The following ZNF66 variants were observed in gnomAD, a reference collection of about 807,000 sequenced individuals.
The protein encoded by ZNF66 is zinc finger protein 66, also known as putative zinc finger protein 66.
In ZNF66, 32 loss-of-function variants were observed where a neutral mutation model predicts 35.2. The ratio of observed to expected loss-of-function variants is 0.91; its 90% CI spans 0.69 to 1.22. The LOEUF (loss-of-function observed/expected upper bound fraction) is 1.22. Among genes scored for constraint, ZNF66 ranks in the 50% most tolerant of loss-of-function variants. The pLI, the probability that ZNF66 is intolerant of heterozygous loss-of-function variation, is 0.00. For synonymous variants in ZNF66, 231 were observed against 181.3 expected, an observed-to-expected ratio of 1.27 and a Z score of -2.20; for missense variants, 666 against 543.1, an observed-to-expected ratio of 1.23 and a Z score of -2.25.
At chr19:20,795,372 CTT>C (rs71174747) in intron 3 of ZNF66, among the ~76,000 whole-genome samples, 6 of 143,162 alleles carry the variant, frequency 4.2e-5, no homozygotes, top group Admixed American at 7.0e-5. Context: ...TTTTCTTTTT[CTT>C]TTTTTTTTTT....
chr19:20,801,068 C>T (rs1350474969), intron 3 of ZNF66, among the ~76,000 whole-genome samples: 1 of 152,058 alleles, frequency 6.6e-6, no homozygotes, highest in African/African-American at 2.4e-5. Flanking sequence ...TAAATCAATT[C>T]ACTTTACCAT....
intron 1 of ZNF66, among the ~76,000 whole-genome samples, chr19:20,779,491 G>T (rs1234854819): frequency 6.6e-6 from 1 of 152,158 alleles, no homozygotes; most frequent in Non-Finnish European, 1.5e-5. Flanking sequence ...AAGTTCAGGA[G>T]CCTGAGGGAG....
chr19:20,798,773 T>C (rs1971418988), intron 3 of ZNF66, among the ~76,000 whole-genome samples: 1 of 152,218 alleles, frequency 6.6e-6, no homozygotes, highest in Admixed American at 6.5e-5. Context: ...AGTGGAATCA[T>C]ACAGTATCCA....
At chr19:20,800,172 A>G (rs542723872) in intron 3 of ZNF66, among the ~76,000 whole-genome samples, 2 of 152,196 alleles carry the variant, frequency 1.3e-5, no homozygotes, top group South Asian at 4.1e-4. Flanking sequence ...ATGCACTACC[A>G]TGTCTGGCTA....
At position 20,809,821 on chromosome 19, in the gene ZNF66, C is replaced by T. The variant is rs929900949; in HGVS notation, c.*2499C>T. On this transcript the variant is annotated 3_prime_UTR_variant, in exon 4 of 4. Transcript: ENST00000344519. ...CATCATAATGACAGCATCAAATTCT[C>T]ACATAACAATATTAGCTTTAAATGT... 1.3e-5 allele frequency among the ~76,000 whole-genome samples: 2 copies of T among 151,880 alleles called. No homozygotes were observed. The highest frequency in any genetic ancestry group is 4.8e-5 in the African/African-American group (2 of 41,360).
chr19:20,777,188 C>T (rs1242078109), intron 1 of ZNF66, among the ~76,000 whole-genome samples: 1 of 149,320 alleles, frequency 6.7e-6, no homozygotes, highest in Non-Finnish European at 1.5e-5. Context: ...AAGAGTGATT[C>T]AAGAATTGTA....
chr19:20,780,649 G>C (rs1178889399), intron 1 of ZNF66, among the ~76,000 whole-genome samples: 1 of 152,146 alleles, frequency 6.6e-6, no homozygotes, highest in African/African-American at 2.4e-5. Flanking sequence ...TTGGAGAATT[G>C]TTTAATGTTC....
chr19:20,794,716 G>A (rs755585279), intron 3 of ZNF66: 1 of 151,228 alleles, frequency 6.6e-6, no homozygotes, highest in African/African-American at 2.4e-5. Context: ...TTCCTCATCA[G>A]ATAGTTTGTT....
rs764285155 is a variant in ZNF66 at position 20,792,666 on chromosome 19, T to G, written c.130+28T>G. 3 of 1,142,760 alleles carry G rather than the reference T, an allele frequency of 2.6e-6. No homozygotes were observed. In the East Asian group the frequency reaches 8.7e-5, roughly 33 times the overall value. The allele number at this position is 1,142,760 out of a possible 1,614,324, so 70.8% of individuals were successfully genotyped here. On this transcript the variant is annotated intron_variant, in intron 2 of 3. Coordinates refer to ENST00000344519, the MANE Select transcript of ZNF66 (RefSeq NM_001355197.2). ...GAGAAAAACTTTAATACATAACTCA[T>G]AATATACACAAATTGTTTTATTTCT... is the stretch of plus-strand genomic sequence containing the variant.
At chr19:20,796,478 G>A (rs1184807366) in intron 3 of ZNF66, among the ~76,000 whole-genome samples, 1 of 152,000 alleles carries the variant, frequency 6.6e-6, no homozygotes, top group Non-Finnish European at 1.5e-5. Flanking sequence ...AGGAATTAAA[G>A]GATTTTCATC....
In ZNF66 at chr19:20,806,679, A is replaced by G; in HGVS notation, c.1079A>G (p.Lys360Arg). 6.7e-7 allele frequency: 1 copy of G among 1,498,588 alleles called. No individual in the cohort carries two copies. Among genetic ancestry groups the G allele is most frequent in the Non-Finnish European group, 9.3e-7 (1 of 1,077,216 alleles). 92.8% of individuals were successfully genotyped at this position (1,498,588 alleles called of 1,614,324 possible). The change falls in exon 4 of 4, where the codon AAA becomes AGA. Residue 360 changes from lysine to arginine, a missense_variant. Lys to Arg is a conservative substitution (Grantham distance 26). Transcript: ENST00000344519. ...FKYSSTLTKH[K>R]IIHTGEKPYK... ...TACTCCTCTACCCTTACTAAACATA[A>G]AATAATCCATACTGGAGAGAAACCC... is the stretch of plus-strand genomic sequence containing the variant.
At chr19:20,792,197 A>C (rs1387341058) in intron 1 of ZNF66, among the ~76,000 whole-genome samples, 1 of 152,188 alleles carries the variant, frequency 6.6e-6, no homozygotes, top group Non-Finnish European at 1.5e-5. Context: ...CATCTGAAAA[A>C]TATTCACAAC....
At chr19:20,780,670 A>G (rs1174194842) in intron 1 of ZNF66, among the ~76,000 whole-genome samples, 1 of 152,154 alleles carries the variant, frequency 6.6e-6, no homozygotes, top group African/African-American at 2.4e-5. Flanking sequence ...AGCTAACTCT[A>G]CAGATTTGGT....
At position 20,808,018 on chromosome 19, in the gene ZNF66, C is replaced by T. The variant is rs563093447; in HGVS notation, c.*696C>T. Among the ~76,000 whole-genome samples the T allele has an allele frequency of 8.5e-5, 13 of 152,308 alleles. No individual in the cohort carries two copies. Among genetic ancestry groups the T allele is most frequent in the East Asian group, 3.9e-4 (2 of 5,182 alleles). The stretch of plus-strand genomic sequence containing the variant: ...TTGGGTTACTCCCACCCTAATACTG[C>T]GCAATTCCAATGGGCTTAAAAAATG... On this transcript the variant is annotated 3_prime_UTR_variant, in exon 4 of 4. Coordinates refer to ENST00000344519, the MANE Select transcript of ZNF66 (RefSeq NM_001355197.2).
At chr19:20,804,842 C>T (rs749033051) in intron 3 of ZNF66, among the ~76,000 whole-genome samples, 58 of 152,224 alleles carry the variant, frequency 3.8e-4, no homozygotes, top group Middle Eastern at 3.4e-3. Flanking sequence ...TTGGCTTATT[C>T]ATATTTCTTC....
At chr19:20,792,765 A>G (rs1325289846) in intron 2 of ZNF66, 127 bp downstream of exon 2, 1 of 638,096 alleles carries the variant, frequency 1.6e-6, no homozygotes, top group Non-Finnish European at 2.5e-6. Context: ...GAAAATCTTC[A>G]GAATTTGTTC....
intron 1 of ZNF66, among the ~76,000 whole-genome samples, chr19:20,779,053 T>C (rs1187654486): frequency 6.6e-6 from 1 of 152,130 alleles, no homozygotes; most frequent in Non-Finnish European, 1.5e-5. Context: ...GGAGCCTTTA[T>C]CCTGAGAGAA....
intron 1 of ZNF66, among the ~76,000 whole-genome samples, chr19:20,780,514 A>T (rs1418450375): frequency 6.6e-6 from 1 of 152,150 alleles, no homozygotes; most frequent in Non-Finnish European, 1.5e-5. Context: ...AGAAGCATAG[A>T]TGGGCCCATG....
intron 1 of ZNF66, among the ~76,000 whole-genome samples, chr19:20,788,257 TTAGTC>T (rs1310534680): frequency 2.0e-5 from 3 of 152,278 alleles, no homozygotes; most frequent in African/African-American, 7.2e-5. Flanking sequence ...CCAGAAATGT[TTAGTC>T]TAGACTAGCA....
Sources: allele counts gnomAD v4.1 joint callset (sites outside exome capture counted in the v4.1 genomes callset), GRCh38; gene constraint gnomAD v4.1.1; transcripts MANE v1.5; gene names NCBI Gene and HGNC (gene_info 2026-07-23, HGNC 2026-07-21).